The following BCL7C variants were observed in gnomAD, a reference collection of about 807,000 sequenced individuals.
The protein encoded by BCL7C is BAF chromatin remodeling complex subunit BCL7C.
BCL7C carries 8 observed loss-of-function variants against 26.2 expected under a neutral mutation model. The ratio of observed to expected loss-of-function variants is 0.30; its 90% CI spans 0.18 to 0.55. The LOEUF is 0.55. BCL7C is among the 20% of genes least tolerant of loss of function. The pLI is 0.93. For missense variants in BCL7C, 262 were observed against 298.5 expected (o/e 0.88, Z 0.90); for synonymous variants, 90 against 116.5 (o/e 0.77, Z 1.47).
intron 5 of BCL7C, 197 bp downstream of exon 5, chr16:30,888,663 C>G (rs1460606696): frequency 5.8e-6 from 3 of 515,984 alleles, no homozygotes; most frequent in Non-Finnish European, 1.0e-5. Context: ...TCTCAATCAG[C>G]CCTGATCCAG....
In BCL7C at chr16:30,887,962, G is replaced by C. The variant is rs759369872; in HGVS notation, c.557C>G (p.Pro186Arg). 1 of 1,607,200 alleles carries C rather than the reference G, an allele frequency of 6.2e-7. No homozygotes were observed. Among genetic ancestry groups the C allele is most frequent in the Non-Finnish European group, 8.5e-7 (1 of 1,177,154 alleles). The change falls in exon 6 of 6, where the codon CCA becomes CGA. Residue 186 changes from proline to arginine, a missense_variant. Pro to Arg is a moderately radical substitution (Grantham distance 103). Coordinates refer to ENST00000215115, the MANE Select transcript of BCL7C (RefSeq NM_004765.4). ...GGCTGCCTCAGGGACAGGTGGCACT[G>C]GCTCAAAGACAGGGTAAGCTTCGGG... is the stretch of plus-strand genomic sequence containing the variant. ...EAPEAYPVFE[P>R]VPPVPEAAQG...
chr16:30,836,492 T>C (rs1434665438), intron 5 of BCL7C, among the ~76,000 whole-genome samples: 1 of 149,898 alleles, frequency 6.7e-6, no homozygotes, highest in Non-Finnish European at 1.5e-5. Context: ...TTTTTTTTTT[T>C]GAGACAGGTT....
chr16:30,853,555 T>C (rs1012888108), intron 5 of BCL7C, among the ~76,000 whole-genome samples: 1 of 152,242 alleles, frequency 6.6e-6, no homozygotes, highest in Non-Finnish European at 1.5e-5. Flanking sequence ...TCTTTTATTT[T>C]AATCATACAT....
At chr16:30,838,566 T>C (rs1230384390) in intron 5 of BCL7C, among the ~76,000 whole-genome samples, 2 of 152,158 alleles carry the variant, frequency 1.3e-5, no homozygotes, top group African/African-American at 4.8e-5. Flanking sequence ...GTGGGTCACT[T>C]GAGGTCAGGA....
At chr16:30,862,083 G>T (rs1326590915) in intron 5 of BCL7C, among the ~76,000 whole-genome samples, 1 of 151,898 alleles carries the variant, frequency 6.6e-6, no homozygotes, top group Non-Finnish European at 1.5e-5. Flanking sequence ...GTGATCCGCT[G>T]CCTCGGCCTC....
chr16:30,850,863 G>C (rs2054669235), intron 5 of BCL7C, among the ~76,000 whole-genome samples: 1 of 152,082 alleles, frequency 6.6e-6, no homozygotes, highest in Non-Finnish European at 1.5e-5. Context: ...GTATATATAG[G>C]CTACACTAAA....
chr16:30,888,123 G>C (rs988231997), intron 5 of BCL7C, 133 bp from the exon 6 acceptor site: 5 of 804,206 alleles, frequency 6.2e-6, no homozygotes, highest in Non-Finnish European at 9.5e-6. Flanking sequence ...CAGATGCCCA[G>C]GATGCAGAGG....
Position 30,834,675 on chromosome 16 carries a change from T to A in BCL7C, c.*273A>T. ...TGAGGAGGTGGGCGAGGCAGCCCAG[T>A]GCACCCCTCCCCTAGGCCTCTAGCA... On this transcript the variant is annotated 3_prime_UTR_variant, in exon 6 of 6. Transcript: ENST00000380317. The surrounding 1 kb of genome is among the most constrained non-coding windows in gnomAD (Gnocchi z 4.3). The A allele has an allele frequency of 3.1e-6, 1 of 317,870 alleles. No individual in the cohort carries two copies. Among genetic ancestry groups the A allele is most frequent in the East Asian group, 5.6e-5 (1 of 17,738 alleles). 19.7% of individuals were successfully genotyped at this position (317,870 alleles called of 1,614,324 possible).
intron 5 of BCL7C, among the ~76,000 whole-genome samples, chr16:30,847,377 A>G (rs1218618437): frequency 6.6e-6 from 1 of 152,206 alleles, no homozygotes; most frequent in East Asian, 1.9e-4. Flanking sequence ...CAGTCTGAAG[A>G]GACTCACTTT....
intron 4 of BCL7C, among the ~76,000 whole-genome samples, chr16:30,890,778 G>A (rs1168342524): frequency 1.3e-5 from 2 of 152,258 alleles, no homozygotes; most frequent in East Asian, 3.9e-4. Context: ...CTGAAGTCGG[G>A]AGTTCGAGAC....
At chr16:30,851,915 G>T in intron 5 of BCL7C, 2 of 193,712 alleles carry the variant, frequency 1.0e-5, no homozygotes, top group South Asian at 2.8e-4. Context: ...AAGAGAAGAT[G>T]ACACTTCAAA....
intron 5 of BCL7C, among the ~76,000 whole-genome samples, chr16:30,874,512 G>T (rs1410053656): frequency 6.6e-6 from 1 of 152,092 alleles, no homozygotes; most frequent in Non-Finnish European, 1.5e-5. Flanking sequence ...AGACACTCCT[G>T]AGGTTGAGGT....
chr16:30,862,137 G>A (rs2054781121), intron 5 of BCL7C, among the ~76,000 whole-genome samples: 1 of 151,872 alleles, frequency 6.6e-6, no homozygotes, highest in Non-Finnish European at 1.5e-5. Flanking sequence ...CGCCCGGCCT[G>A]GACAACATTC....
At chr16:30,867,481 G>T (rs913479641) in intron 5 of BCL7C, among the ~76,000 whole-genome samples, 7 of 152,084 alleles carry the variant, frequency 4.6e-5, no homozygotes, top group African/African-American at 1.7e-4. Context: ...GGTGGTCTTG[G>T]ATTATCCAGG....
rs368587974 is a variant in BCL7C, at chr16:30,888,953, G to A, written c.443-8C>T. On this transcript the variant is annotated splice_polypyrimidine_tract_variant and splice_region_variant and intron_variant, in intron 4 of 5. Transcript: ENST00000215115. ...CAGTTATGCCCCCGGGATCTGGAAC[G>A]TCAAGGTAACAAACATCCCCTGAAC... 10 of 1,613,474 alleles carry A rather than the reference G, an allele frequency of 6.2e-6. No homozygotes were observed. The East Asian group carries it at 1.1e-4, about 18-fold the overall frequency.
chr16:30,868,746 T>C (rs758600957), intron 5 of BCL7C, among the ~76,000 whole-genome samples: 1 of 151,022 alleles, frequency 6.6e-6, no homozygotes, highest in African/African-American at 2.4e-5. Context: ...GATTGCGCCA[T>C]TGCACTCCAG....
In BCL7C at chr16:30,846,449, G is replaced by A. The variant is rs546637621; in HGVS notation, c.529-11301C>T. The stretch of plus-strand genomic sequence containing the variant: ...TCACTGTGTTAGCCAGGATGGTCTC[G>A]ATCTCCTGACCTCGTGATCCGCCCA... On this transcript the variant is annotated intron_variant, in intron 5 of 5. Transcript: ENST00000380317. 9.9e-5 allele frequency among the ~76,000 whole-genome samples: 15 copies of A among 151,836 alleles called. No individual in the cohort carries two copies. In the South Asian group the frequency reaches 2.9e-3, roughly 29 times the overall value.
intron 5 of BCL7C, among the ~76,000 whole-genome samples, chr16:30,861,493 C>T (rs941893837): frequency 1.3e-5 from 2 of 152,164 alleles, no homozygotes; most frequent in Admixed American, 6.5e-5. Context: ...CCTCCTAAGC[C>T]GTGTCCCATC....
intron 5 of BCL7C, among the ~76,000 whole-genome samples, chr16:30,879,580 G>A (rs1007126741): frequency 6.6e-6 from 1 of 150,796 alleles, no homozygotes; most frequent in Non-Finnish European, 1.5e-5. Context: ...ATCAGGCCAG[G>A]TGTGGTGGCT....
Sources: gnomAD v4.1 joint callset for allele counts (sites outside exome capture counted in the v4.1 genomes callset) on GRCh38, gnomAD v4.1.1 for gene constraint, Gnocchi (gnomAD v3.1) non-coding constraint, MANE v1.5 for transcripts, NCBI Gene and HGNC (gene_info 2026-07-23, HGNC 2026-07-21) for gene names.